Variants in CHSY3 observed in about 807,000 individuals in gnomAD.
CHSY3 encodes the protein chondroitin sulfate synthase 3.
CHSY3 carries 35 observed loss-of-function variants against 67.2 expected under a neutral mutation model. The ratio of observed to expected loss-of-function variants is 0.52; its 90% CI spans 0.40 to 0.69. The LOEUF (loss-of-function observed/expected upper bound fraction) is 0.69. Among genes scored for constraint, CHSY3 ranks in the 30% least tolerant of loss-of-function variants. CHSY3 has a pLI of 0.00. For synonymous variants in CHSY3, 474 were observed against 434.7 expected (o/e 1.09, Z -1.12); for missense variants, 1,069 against 1,138.5 (o/e 0.94, Z 0.88).
At chr5:130,131,673 C>T (rs534143271) in intron 2 of CHSY3, among the ~76,000 whole-genome samples, 1 of 152,224 alleles carries the variant, frequency 6.6e-6, no homozygotes, top group South Asian at 2.1e-4. Context: ...GCTCTCAGAG[C>T]CTGTATGGTA....
intron 2 of CHSY3, among the ~76,000 whole-genome samples, chr5:130,066,810 A>G (rs921898079): frequency 6.6e-6 from 1 of 152,086 alleles, no homozygotes; most frequent in East Asian, 1.9e-4. Flanking sequence ...AGCAAGCCTC[A>G]CTGTCGGATG....
chr5:129,976,640 A>T (rs551769318), intron 2 of CHSY3, among the ~76,000 whole-genome samples: 1 of 152,014 alleles, frequency 6.6e-6, no homozygotes, highest in Non-Finnish European at 1.5e-5. Context: ...ACTTACATAT[A>T]CCTGAAAAGC....
At chr5:130,109,908 A>G (rs1269061748) in intron 2 of CHSY3, among the ~76,000 whole-genome samples, 1 of 151,794 alleles carries the variant, frequency 6.6e-6, no homozygotes, top group Non-Finnish European at 1.5e-5. Flanking sequence ...CCATAAGGGG[A>G]AGTGAATTGG....
chr5:130,129,635 G>T, intron 2 of CHSY3, among the ~76,000 whole-genome samples: 1 of 152,176 alleles, frequency 6.6e-6, no homozygotes, highest in African/African-American at 2.4e-5. Flanking sequence ...TTTAGAAAAT[G>T]AATATTAAAT....
chr5:130,176,239 A>G (rs1020317247), intron 2 of CHSY3, among the ~76,000 whole-genome samples: 3 of 152,222 alleles, frequency 2.0e-5, no homozygotes, highest in African/African-American at 7.2e-5. Context: ...GCCAACAAAT[A>G]TATGAAAAAA....
At chr5:130,025,311 G>T (rs1434648044) in intron 2 of CHSY3, among the ~76,000 whole-genome samples, 1 of 152,146 alleles carries the variant, frequency 6.6e-6, no homozygotes, top group African/African-American at 2.4e-5. Context: ...CCAGCAAAGA[G>T]TGTTCTGTGC....
At chr5:130,095,349 A>T (rs1190299351) in intron 2 of CHSY3, among the ~76,000 whole-genome samples, 1 of 152,192 alleles carries the variant, frequency 6.6e-6, no homozygotes, top group Non-Finnish European at 1.5e-5. Context: ...CAGGGAAAAT[A>T]CAAGTTGCAT....
At chr5:130,126,327 T>C (rs911610276) in intron 2 of CHSY3, among the ~76,000 whole-genome samples, 2 of 152,138 alleles carry the variant, frequency 1.3e-5, no homozygotes, top group African/African-American at 4.8e-5. Flanking sequence ...GCTGTAACAT[T>C]AGATAATCTT....
chr5:129,938,368 T>TC (rs1420064858), intron 2 of CHSY3, among the ~76,000 whole-genome samples: 1 of 152,234 alleles, frequency 6.6e-6, no homozygotes. Flanking sequence ...AACATTCAGT[T>TC]CATGTTTACT....
At chr5:130,080,762 C>T (rs1580713590) in intron 2 of CHSY3, among the ~76,000 whole-genome samples, 2 of 152,086 alleles carry the variant, frequency 1.3e-5, no homozygotes, top group African/African-American at 4.8e-5. Flanking sequence ...CTTTTAGACT[C>T]TCTAAGTCCC....
chr5:130,185,603 C>T lies in CHSY3; in HGVS notation c.2461C>T (p.Pro821Ser). The T allele has an allele frequency of 6.2e-7, 1 of 1,614,064 alleles. No individual in the cohort carries two copies. The highest frequency in any genetic ancestry group is 8.5e-7 in the Non-Finnish European group (1 of 1,179,982). ...YNKVILSGLR[P>S]FRSQEVGVVH... ...TAAAGTCATTCTATCTGGCTTAAGG[C>T]CATTCAGAAGCCAAGAAGTAGGAGT... The change falls in exon 3 of 3, where the codon CCA (proline) becomes TCA (serine). Residue 821 changes from proline to serine, a missense_variant. By Grantham distance (74) the Pro-to-Ser change is moderately conservative (BLOSUM62 -1). This residue lies in a region of CHSY3 where 139 missense variants were observed against 152.8 expected (regional missense o/e 0.91). Transcript: ENST00000305031.
At chr5:130,155,239 G>A (rs1580786309) in intron 2 of CHSY3, among the ~76,000 whole-genome samples, 1 of 152,146 alleles carries the variant, frequency 6.6e-6, no homozygotes, top group African/African-American at 2.4e-5. Flanking sequence ...TAGTAAACGT[G>A]GGACCTTTAC....
At chr5:129,958,262 A>G (rs1762234742) in intron 2 of CHSY3, among the ~76,000 whole-genome samples, 1 of 152,110 alleles carries the variant, frequency 6.6e-6, no homozygotes, top group Non-Finnish European at 1.5e-5. Flanking sequence ...TTCATCTCAT[A>G]TTTGAGTGAA....
At chr5:130,172,275 G>T (rs1157676821) in intron 2 of CHSY3, among the ~76,000 whole-genome samples, 1 of 150,858 alleles carries the variant, frequency 6.6e-6, no homozygotes. Flanking sequence ...AAAAACTGAA[G>T]AAAAAGAATA....
intron 2 of CHSY3, among the ~76,000 whole-genome samples, chr5:130,110,519 C>T (rs774576987): frequency 2.6e-5 from 4 of 151,902 alleles, no homozygotes; most frequent in Non-Finnish European, 4.4e-5. Context: ...TAATCTTTGG[C>T]TTTCATTCTG....
intron 1 of CHSY3, 66 bp from the exon 2 acceptor site, chr5:129,908,011 T>C (rs1760380951): frequency 1.3e-6 from 2 of 1,551,070 alleles, no homozygotes; most frequent in Admixed American, 3.9e-5. Context: ...TTCTGTCCCT[T>C]ACCTTGTACA....
intron 2 of CHSY3, among the ~76,000 whole-genome samples, chr5:129,912,740 G>A (rs1023161364): frequency 2.0e-5 from 3 of 152,182 alleles, no homozygotes; most frequent in Non-Finnish European, 4.4e-5. Flanking sequence ...CTCCAGCATG[G>A]TCTGACCTGT....
chr5:130,159,582 C>A (rs1769470007), intron 2 of CHSY3, among the ~76,000 whole-genome samples: 2 of 151,944 alleles, frequency 1.3e-5, no homozygotes, highest in Admixed American at 1.3e-4. Context: ...TGCTTTTTTT[C>A]ATTTTTCCAA....
intron 2 of CHSY3, among the ~76,000 whole-genome samples, chr5:129,956,386 C>T (rs1467452401): frequency 6.6e-6 from 1 of 151,922 alleles, no homozygotes; most frequent in Admixed American, 6.6e-5. Flanking sequence ...GTCCTTTGTC[C>T]ACTTTTTAAT....
Sources: allele counts gnomAD v4.1 joint callset (sites outside exome capture counted in the v4.1 genomes callset), GRCh38; gene constraint gnomAD v4.1.1; regional missense constraint gnomAD v4.1.1; transcripts MANE v1.5; gene names NCBI Gene and HGNC (gene_info 2026-07-23, HGNC 2026-07-21).